The following LY6S variants were observed in gnomAD, a reference collection of about 807,000 sequenced individuals.
LY6S encodes the protein lymphocyte antigen 6 family member S.
chr8:143,074,543 T>A, the LY6S span, among the ~76,000 whole-genome samples: 1 of 152,176 alleles, frequency 6.6e-6, no homozygotes, highest in African/African-American at 2.4e-5. Flanking sequence ...TTTATTTTAT[T>A]TTTAATAACA....
chr8:143,049,186 G>A, the LY6S span: 2 of 534,634 alleles, frequency 3.7e-6, no homozygotes, highest in Middle Eastern at 3.2e-4. Flanking sequence ...CCTGGACTTT[G>A]GTATCTGTTT....
the LY6S span, among the ~76,000 whole-genome samples, chr8:143,066,932 G>A: frequency 6.6e-6 from 1 of 152,272 alleles, no homozygotes; most frequent in Admixed American, 6.5e-5. Context: ...AAATATCATG[G>A]GGAAAAGGCC....
chr8:143,060,151 A>G, the LY6S span, among the ~76,000 whole-genome samples: 1 of 152,294 alleles, frequency 6.6e-6, no homozygotes, highest in Non-Finnish European at 1.5e-5. Flanking sequence ...ATGCCCGGAC[A>G]GGGCCACTAC....
the LY6S span, among the ~76,000 whole-genome samples, chr8:143,043,601 G>A: frequency 6.6e-6 from 1 of 152,212 alleles, no homozygotes; most frequent in Admixed American, 6.5e-5. Context: ...CCCGAAGCGG[G>A]AGCTGGGTGG....
chr8:143,052,264 C>G, the LY6S span, among the ~76,000 whole-genome samples: 28 of 151,852 alleles, frequency 1.8e-4, no homozygotes, highest in East Asian at 5.8e-4. Flanking sequence ...CTGGGGGACA[C>G]AGCGAGACTC....
At chr8:143,041,353 A>G in the LY6S span, among the ~76,000 whole-genome samples, 1 of 152,170 alleles carries the variant, frequency 6.6e-6, no homozygotes, top group African/African-American at 2.4e-5. Flanking sequence ...TATTTCTCCT[A>G]TTTGCTTTTG....
the LY6S span, among the ~76,000 whole-genome samples, chr8:143,055,580 A>G: frequency 1.1e-3 from 173 of 152,334 alleles, 1 homozygote; most frequent in African/African-American, 3.9e-3. Context: ...AAAAATAAAA[A>G]TTTCCCCCCA....
At chr8:143,040,934 T>G in the LY6S span, among the ~76,000 whole-genome samples, 1 of 152,040 alleles carries the variant, frequency 6.6e-6, no homozygotes, top group Non-Finnish European at 1.5e-5. Flanking sequence ...TTATTAGTGA[T>G]TTTCAGAAGG....
chr8:143,060,393 C>G, the LY6S span, among the ~76,000 whole-genome samples: 5 of 152,240 alleles, frequency 3.3e-5, no homozygotes, highest in Non-Finnish European at 5.9e-5. Flanking sequence ...CATGTTCCGC[C>G]CTGTACACCT....
chr8:143,057,211 G>C, the LY6S span: 1 of 302,328 alleles, frequency 3.3e-6, no homozygotes, highest in East Asian at 9.0e-5. Flanking sequence ...GCTTTGTTTG[G>C]CTTTATAAGC....
At chr8:143,045,795 T>C in the LY6S span, among the ~76,000 whole-genome samples, 2 of 152,090 alleles carry the variant, frequency 1.3e-5, no homozygotes, top group African/African-American at 4.8e-5. The surrounding 1 kb of genome is among the most constrained non-coding windows in gnomAD (Gnocchi z 5.3). Context: ...GGTGGGTTCC[T>C]GAATTTCCAT....
chr8:143,044,082 C>T, the LY6S span: 6 of 453,830 alleles, frequency 1.3e-5, no homozygotes, highest in African/African-American at 1.2e-4. Context: ...AGGGCCTGGG[C>T]AGGCTGCAGC....
the LY6S span, among the ~76,000 whole-genome samples, chr8:143,059,466 A>G: frequency 6.6e-6 from 1 of 152,154 alleles, no homozygotes; most frequent in Admixed American, 6.5e-5. Flanking sequence ...TAACGATCCC[A>G]AATGGGAGTA....
the LY6S span, among the ~76,000 whole-genome samples, chr8:143,052,692 A>G: frequency 1.6e-4 from 25 of 152,106 alleles, no homozygotes; most frequent in Admixed American, 1.5e-3. Context: ...TTTGGGAATT[A>G]AGTATCGTCT....
At chr8:143,062,844 C>T in the LY6S span, among the ~76,000 whole-genome samples, 5 of 152,092 alleles carry the variant, frequency 3.3e-5, no homozygotes, top group Admixed American at 6.6e-5. Context: ...TGTCAAAATT[C>T]GCCTGCTGAG....
chr8:143,066,506 AG>A, the LY6S span: 1 of 270,402 alleles, frequency 3.7e-6, no homozygotes, highest in African/African-American at 2.2e-5. Context: ...GCCACACATC[AG>A]GCACCATTCG....
At chr8:143,050,947 T>C in the LY6S span, among the ~76,000 whole-genome samples, 78,374 of 152,060 alleles carry the variant, frequency 0.52, 23,151 homozygotes, top group Admixed American at 0.66. Context: ...GCTTCACGGG[T>C]GTGCGGACTC....
the LY6S span, among the ~76,000 whole-genome samples, chr8:143,065,695 G>C: frequency 6.6e-6 from 1 of 151,922 alleles, no homozygotes; most frequent in Non-Finnish European, 1.5e-5. Flanking sequence ...CTCCCATGCC[G>C]GGCGCAGGAC....
the LY6S span, among the ~76,000 whole-genome samples, chr8:143,073,122 G>C: frequency 1.1e-5 from 1 of 92,268 alleles, no homozygotes; most frequent in Admixed American, 1.0e-4. Context: ...GACAGCCGTC[G>C]TCCTCGGGGT....
Sources: gnomAD v4.1 joint callset for allele counts (sites outside exome capture counted in the v4.1 genomes callset) on GRCh38, gnomAD v4.1.1 for gene constraint, Gnocchi (gnomAD v3.1) non-coding constraint, MANE v1.5 for transcripts, NCBI Gene and HGNC (gene_info 2026-07-23, HGNC 2026-07-21) for gene names.